AGMO: variants seen among roughly 807,000 people sequenced by gnomAD.
AGMO encodes the protein alkylglycerol monooxygenase, also known as glyceryl-ether monooxygenase.
A neutral mutation model predicts 60.2 loss-of-function variants in AGMO; 75 were observed. The ratio of observed to expected loss-of-function variants is 1.25; its 90% CI spans 1.03 to 1.51. The LOEUF (loss-of-function observed/expected upper bound fraction) is 1.51, where lower values mean the gene tolerates loss of function less well. AGMO is among the 40% of genes most tolerant of loss of function. The pLI, the probability that AGMO is intolerant of heterozygous loss-of-function variation, is 0.00. For missense variants in AGMO, 763 were observed against 525.5 expected (o/e 1.45, Z -4.42); for synonymous variants, 261 against 177.1 (o/e 1.47, Z -3.76).
chr7:15,525,400 C>T (rs1344061483), intron 3 of AGMO, among the ~76,000 whole-genome samples: 1 of 152,076 alleles, frequency 6.6e-6, no homozygotes, highest in East Asian at 1.9e-4. Flanking sequence ...CATATACCTA[C>T]CCTTCCCTAA....
chr7:15,513,586 T>C (rs1410136509), intron 3 of AGMO, among the ~76,000 whole-genome samples: 3 of 152,166 alleles, frequency 2.0e-5, no homozygotes, highest in Admixed American at 2.0e-4. Flanking sequence ...TCACTACTTA[T>C]TTCCATGGCT....
intron 12 of AGMO, among the ~76,000 whole-genome samples, chr7:15,241,945 T>C (rs1478459583): frequency 6.6e-6 from 1 of 152,164 alleles, no homozygotes; most frequent in Non-Finnish European, 1.5e-5. Context: ...TGTTAGCTTC[T>C]ACAGGATGCC....
intron 12 of AGMO, among the ~76,000 whole-genome samples, chr7:15,223,152 G>A (rs1422364382): frequency 6.6e-6 from 1 of 151,888 alleles, no homozygotes; most frequent in African/African-American, 2.4e-5. Flanking sequence ...ATAATTTTAA[G>A]TGAGTGCTCA....
At chr7:15,471,008 T>A (rs1782438734) in intron 3 of AGMO, among the ~76,000 whole-genome samples, 1 of 151,962 alleles carries the variant, frequency 6.6e-6, no homozygotes, top group South Asian at 2.1e-4. Flanking sequence ...AAAAATTAAG[T>A]ACTCATGGAG....
the AGMO span, among the ~76,000 whole-genome samples, chr7:15,190,273 T>G: frequency 6.8e-6 from 1 of 148,056 alleles, no homozygotes; most frequent in Admixed American, 6.7e-5. Flanking sequence ...TGTTTGCTTT[T>G]TAATATCAGA....
intron 5 of AGMO, among the ~76,000 whole-genome samples, chr7:15,408,302 C>T (rs1229405397): frequency 1.3e-5 from 2 of 151,716 alleles, no homozygotes; most frequent in African/African-American, 4.8e-5. Context: ...GAAATTTTTT[C>T]TCATGTTAGG....
chr7:15,360,951 C>T (rs900443114), intron 12 of AGMO, among the ~76,000 whole-genome samples: 50 of 152,036 alleles, frequency 3.3e-4, no homozygotes, highest in Non-Finnish European at 1.5e-5. Flanking sequence ...ATAAATAAAG[C>T]AGAAATAAGC....
rs1244752884 is a variant in AGMO, at chr7:15,200,551, TG to T, written c.*733del. 1.3e-5 allele frequency: 2 copies of T among 152,434 alleles called. No homozygotes were observed. The highest frequency in any genetic ancestry group is 2.9e-5 in the Non-Finnish European group (2 of 68,210). 9.4% of individuals were successfully genotyped at this position (152,434 alleles called of 1,614,324 possible). On this transcript the variant is annotated 3_prime_UTR_variant, in exon 13 of 13. Coordinates refer to ENST00000342526, the MANE Select transcript of AGMO (RefSeq NM_001004320.2). ...CTCTGTCGCCCAGGCTGGAGTGCAG[TG>T]GTGCAATCTCCACTCACTCCAACTT...
intron 3 of AGMO, among the ~76,000 whole-genome samples, chr7:15,438,009 G>T (rs1003215868): frequency 3.3e-5 from 5 of 151,912 alleles, no homozygotes; most frequent in Non-Finnish European, 7.4e-5. Flanking sequence ...GTGTTCAGAT[G>T]GAAGCTTTTA....
intron 5 of AGMO, among the ~76,000 whole-genome samples, chr7:15,400,845 G>T (rs986461063): frequency 1.2e-4 from 19 of 152,130 alleles, no homozygotes; most frequent in African/African-American, 4.6e-4. Context: ...TATTATCTGA[G>T]TTCAGTTTTA....
At chr7:15,347,941 G>T (rs192074089) in intron 12 of AGMO, among the ~76,000 whole-genome samples, 1 of 152,110 alleles carries the variant, frequency 6.6e-6, no homozygotes, top group Admixed American at 6.6e-5. Flanking sequence ...TATGTCAAAA[G>T]CAACTGCTTA....
At position 15,270,596 on chromosome 7, in the gene AGMO, A is replaced by ATTTTTTTTTTTTTTTTTTTTTTT. The variant is rs527463907; in HGVS notation, c.1264-69260_1264-69238dup. On this transcript the variant is annotated intron_variant, in intron 12 of 12. Coordinates refer to ENST00000342526, the MANE Select transcript of AGMO (RefSeq NM_001004320.2). The stretch of plus-strand genomic sequence containing the variant: ...ATTAAACAAATTTAATCTGTTGATA[A>ATTTTTTTTTTTTTTTTTTTTTTT]TTTTTTTTTTTTTTTTTTTTTTTTT... Among the ~76,000 whole-genome samples, 45 of 48,066 alleles carry ATTTTTTTTTTTTTTTTTTTTTTT rather than the reference A, an allele frequency of 9.4e-4. 1 individual carries two copies. The highest frequency in any genetic ancestry group is 2.4e-3 in the South Asian group (2 of 846). The allele number at this position is 48,066 out of a possible 152,430, so 31.5% of individuals were successfully genotyped here.
chr7:15,150,913 T>C, the AGMO span, among the ~76,000 whole-genome samples: 79 of 152,214 alleles, frequency 5.2e-4, no homozygotes, highest in African/African-American at 1.9e-3. Context: ...CTTCTTTATA[T>C]GTCTGGTAGA....
rs774711829 is a variant in AGMO, at chr7:15,366,245, A to G, written c.1075-23T>C. On this transcript the variant is annotated intron_variant, in intron 10 of 12. Transcript: ENST00000342526. ...TGCCTGTCAAACAAACACGGAGATCAATGGAGCCGTTAGAAGAATTGTTAA... is the reference window on the plus strand; with the variant it reads ...TGCCTGTCAAACAAACACGGAGATCGATGGAGCCGTTAGAAGAATTGTTAA... 3.2e-6 allele frequency: 5 copies of G among 1,565,804 alleles called. No homozygotes were observed. In the Admixed American group the frequency reaches 5.2e-5, roughly 16 times the overall value.
intron 2 of AGMO, among the ~76,000 whole-genome samples, chr7:15,549,493 CAA>C (rs908559256): frequency 4.0e-5 from 6 of 151,308 alleles, no homozygotes; most frequent in African/African-American, 1.5e-4. Context: ...AAATGGAAAA[CAA>C]AAAAAGGCAG....
At chr7:15,227,619 A>G (rs1782127030) in intron 12 of AGMO, among the ~76,000 whole-genome samples, 1 of 152,142 alleles carries the variant, frequency 6.6e-6, no homozygotes, top group South Asian at 2.1e-4. Context: ...GTCTGCACAA[A>G]ATAAGGATGC....
In AGMO at chr7:15,272,727, C is replaced by T. The variant is rs535597543; in HGVS notation, c.1264-71368G>A. Among the ~76,000 whole-genome samples the T allele has an allele frequency of 6.6e-5, 10 of 152,278 alleles. No individual in the cohort carries two copies. The South Asian group carries it at 1.9e-3, about 28-fold the overall frequency. On this transcript the variant is annotated intron_variant, in intron 12 of 12. Transcript: ENST00000342526. Reference sequence around the variant, plus strand: ...GACACTGTCTTCCACAATGGTTGAACTAGTTTACAGTGCCACCAACAGTGT... The same window carrying T: ...GACACTGTCTTCCACAATGGTTGAATTAGTTTACAGTGCCACCAACAGTGT...
intron 12 of AGMO, among the ~76,000 whole-genome samples, chr7:15,268,474 T>G (rs553086960): frequency 6.6e-6 from 1 of 152,042 alleles, no homozygotes; most frequent in African/African-American, 2.4e-5. Context: ...GAAAAATGTA[T>G]GCATGCATTC....
intron 5 of AGMO, among the ~76,000 whole-genome samples, chr7:15,407,933 G>A (rs921701073): frequency 2.6e-5 from 4 of 151,776 alleles, no homozygotes; most frequent in African/African-American, 9.7e-5. Flanking sequence ...TCTCCAAACA[G>A]AGCTCGTGCT....
Sources: allele counts gnomAD v4.1 joint callset (sites outside exome capture counted in the v4.1 genomes callset), GRCh38; gene constraint gnomAD v4.1.1; transcripts MANE v1.5; gene names NCBI Gene and HGNC (gene_info 2026-07-23, HGNC 2026-07-21).